The following TMEM177 variants were observed in gnomAD, a reference collection of about 807,000 sequenced individuals.
TMEM177 encodes the protein transmembrane protein 177.
In TMEM177, 4 loss-of-function variants were observed where a neutral mutation model predicts 14.2. The observed-to-expected ratio is 0.28, with a 90% confidence interval of 0.14 to 0.64. The LOEUF (loss-of-function observed/expected upper bound fraction) is 0.64. Among genes scored for constraint, TMEM177 ranks in the 30% least tolerant of loss-of-function variants. The pLI is 0.82. For missense variants in TMEM177, 344 were observed against 405.2 expected (o/e 0.85, Z 1.30); for synonymous variants, 179 against 174.5 (o/e 1.03, Z -0.20).
At chr2:119,680,679 G>A (rs1013176479) in intron 1 of TMEM177, among the ~76,000 whole-genome samples, 153 bp from the exon 2 acceptor site, 5 of 152,142 alleles carry the variant, frequency 3.3e-5, no homozygotes, top group Admixed American at 3.3e-4. Flanking sequence ...GACGGAGCTG[G>A]GATTTGAACA....
At chr2:119,690,308 C>T (rs113329189), downstream of TMEM177, among the ~76,000 whole-genome samples, 5,014 of 151,934 alleles carry the variant, frequency 0.033, 289 homozygotes, top group African/African-American at 0.11. Flanking sequence ...CTTCACCTTC[C>T]GCCATGTTTG....
the TMEM177 span, among the ~76,000 whole-genome samples, chr2:119,715,229 A>G: frequency 6.6e-6 from 1 of 152,152 alleles, no homozygotes; most frequent in Non-Finnish European, 1.5e-5. Context: ...CAAAAAATAA[A>G]AAATAAAAAT....
the TMEM177 span, among the ~76,000 whole-genome samples, chr2:119,720,591 A>G: frequency 1.3e-5 from 2 of 152,140 alleles, no homozygotes; most frequent in African/African-American, 4.8e-5. Context: ...AACTTTTTGC[A>G]TTAATTTTCA....
rs766066100 is a variant in TMEM177, at chr2:119,681,687, C to T, written c.834C>T (p.Ile278=). The T allele has an allele frequency of 1.2e-5, 19 of 1,614,170 alleles. No homozygotes were observed. In the South Asian group the frequency reaches 1.6e-4, roughly 14 times the overall value. ...AGCTGTATACACCCAGCGGGAACAT[C>T]GTCCCCAGACACTTGTTCCGAATCA... The part of the protein sequence containing the change: ...GEKLYTPSGN[I]VPRHLFRIKH... Residue 278 remains isoleucine, a synonymous_variant, in exon 2 of 2, where the codon ATC becomes ATT. Coordinates refer to ENST00000272521, the MANE Select transcript of TMEM177 (RefSeq NM_030577.3).
chr2:119,703,100 A>T, the TMEM177 span, among the ~76,000 whole-genome samples: 7 of 152,192 alleles, frequency 4.6e-5, no homozygotes, highest in African/African-American at 1.7e-4. Context: ...AAGCCCAGAG[A>T]GCTAGGAGCG....
At chr2:119,701,982 C>T in the TMEM177 span, among the ~76,000 whole-genome samples, 6 of 152,330 alleles carry the variant, frequency 3.9e-5, no homozygotes, top group South Asian at 6.2e-4. Context: ...ATCTCAAGCA[C>T]GGATCTTAGG....
the TMEM177 span, among the ~76,000 whole-genome samples, chr2:119,702,200 G>A: frequency 1.3e-5 from 2 of 152,242 alleles, no homozygotes; most frequent in Non-Finnish European, 2.9e-5. Context: ...TTTGGCCTAT[G>A]CCCAGGAATG....
At chr2:119,688,926 G>A (rs1381874660), downstream of TMEM177, among the ~76,000 whole-genome samples, 1 of 152,180 alleles carries the variant, frequency 6.6e-6, no homozygotes, top group Non-Finnish European at 1.5e-5. Context: ...TTCCACCAGC[G>A]ATGGAGCGTG....
At chr2:119,712,666 C>T in the TMEM177 span, among the ~76,000 whole-genome samples, 6 of 152,336 alleles carry the variant, frequency 3.9e-5, no homozygotes, top group Non-Finnish European at 7.3e-5. Context: ...AAATGTCTAT[C>T]GCTTAAGCCA....
downstream of TMEM177, among the ~76,000 whole-genome samples, chr2:119,688,944 T>C (rs547326442): frequency 2.0e-5 from 3 of 152,322 alleles, no homozygotes; most frequent in African/African-American, 7.2e-5. Context: ...GTGGGGACAG[T>C]ACTGCTGCAA....
At chr2:119,693,346 A>G in the TMEM177 span, among the ~76,000 whole-genome samples, 3 of 152,228 alleles carry the variant, frequency 2.0e-5, no homozygotes. Context: ...CATCTCAGTC[A>G]TGCGGTCACT....
the TMEM177 span, among the ~76,000 whole-genome samples, chr2:119,705,752 G>C: frequency 6.6e-6 from 1 of 151,372 alleles, no homozygotes; most frequent in Non-Finnish European, 1.5e-5. Flanking sequence ...GCAAGTCCCA[G>C]TTTCCTCCCA....
chr2:119,722,395 G>A, the TMEM177 span, among the ~76,000 whole-genome samples: 28 of 143,682 alleles, frequency 1.9e-4, no homozygotes, highest in African/African-American at 6.4e-4. Flanking sequence ...AAAAAAAAAA[G>A]GAAAAGGAAA....
chr2:119,684,421 CTAAT>C (rs1232550774), downstream of TMEM177, among the ~76,000 whole-genome samples: 2 of 152,216 alleles, frequency 1.3e-5, no homozygotes, highest in Non-Finnish European at 2.9e-5. Flanking sequence ...CTACTGCTGA[CTAAT>C]TAAGTTACCG....
the TMEM177 span, among the ~76,000 whole-genome samples, chr2:119,702,034 G>GTT: frequency 6.6e-6 from 1 of 152,216 alleles, no homozygotes; most frequent in Admixed American, 6.5e-5. Context: ...ATTTGGGGAA[G>GTT]TTCAGACTCT....
At chr2:119,707,273 T>C in the TMEM177 span, among the ~76,000 whole-genome samples, 1 of 152,112 alleles carries the variant, frequency 6.6e-6, no homozygotes, top group Non-Finnish European at 1.5e-5. Flanking sequence ...GATCACGTGA[T>C]CATCAGTAAC....
At chr2:119,687,779 T>A (rs1689039480), downstream of TMEM177, among the ~76,000 whole-genome samples, 1 of 152,186 alleles carries the variant, frequency 6.6e-6, no homozygotes, top group Admixed American at 6.5e-5. Flanking sequence ...CCTGGATTCC[T>A]GACCCACAGA....
chr2:119,711,560 G>T, the TMEM177 span, among the ~76,000 whole-genome samples: 31 of 152,236 alleles, frequency 2.0e-4, no homozygotes, highest in African/African-American at 7.5e-4. Context: ...CCAAACAAAG[G>T]CTCAGTTTTT....
the TMEM177 span, among the ~76,000 whole-genome samples, chr2:119,701,490 G>A: frequency 1.3e-5 from 2 of 152,140 alleles, no homozygotes; most frequent in Admixed American, 6.5e-5. Flanking sequence ...AGGGGGTCGG[G>A]GGAGCCCAGT....
Sources: gnomAD v4.1 joint callset for allele counts (sites outside exome capture counted in the v4.1 genomes callset) on GRCh38, gnomAD v4.1.1 for gene constraint, MANE v1.5 for transcripts, NCBI Gene and HGNC (gene_info 2026-07-23, HGNC 2026-07-21) for gene names.